The following GNAS variants were observed in gnomAD, a reference collection of about 807,000 sequenced individuals.
The protein encoded by GNAS is GNAS complex locus.
Under a neutral mutation model 54.5 loss-of-function variants are expected in GNAS, and 8 were observed. The observed-to-expected ratio is 0.15, with a 90% CI of 0.09 to 0.26. The LOEUF (loss-of-function observed/expected upper bound fraction) is 0.26. Ranked by LOEUF, GNAS falls within the 10% of genes least tolerant of loss-of-function variation. GNAS has a pLI of 1.00. For synonymous variants in GNAS, 204 were observed against 191.4 expected, an observed-to-expected ratio of 1.07 and a Z score of -0.54; for missense variants, 170 against 529.8, an observed-to-expected ratio of 0.32 and a Z score of 6.67.
upstream of GNAS, among the ~76,000 whole-genome samples, chr20:58,890,069 G>A (rs1247736299): frequency 2.0e-5 from 3 of 151,746 alleles, no homozygotes; most frequent in Admixed American, 2.0e-4. Context: ...AGAACCCGGC[G>A]CGGGAGGCGC....
rs879918219 is a variant in GNAS at position 58,873,773 on chromosome 20, T to C, written c.44-21839T>C. Among the ~76,000 whole-genome samples the C allele has an allele frequency of 6.6e-6, 1 of 152,098 alleles. No homozygotes were observed. The highest frequency in any genetic ancestry group is 1.5e-5 in the Non-Finnish European group (1 of 68,026). On this transcript the variant is annotated intron_variant, in intron 1 of 12. Transcript: ENST00000306090. This position sits in a 1 kb window ranked among gnomAD's most constrained non-coding sequence, Gnocchi z 4.3. ...CCCTTCCCCGTGGGGAAGACAAAAG[T>C]ATGAGACACTGCTACTCCCTTGATG... is the stretch of plus-strand genomic sequence containing the variant.
In GNAS at chr20:58,910,307, A is replaced by G; in HGVS notation, c.971-27A>G. 3 of 1,550,504 alleles carry G rather than the reference A, an allele frequency of 1.9e-6. No individual in the cohort carries two copies. The highest frequency in any genetic ancestry group is 2.7e-6 in the Non-Finnish European group (3 of 1,121,994). On this transcript the variant is annotated intron_variant, in intron 11 of 12. Transcript: ENST00000371085. The surrounding 1 kb of genome is among the most constrained non-coding windows in gnomAD (Gnocchi z 5.8). Reference sequence around the variant, plus strand: ...CAGCTCTGCTTGAATTTTAAATTACATTAATATGTATTCCCTTTTTATATA... The same window carrying G: ...CAGCTCTGCTTGAATTTTAAATTACGTTAATATGTATTCCCTTTTTATATA...
In GNAS at chr20:58,853,832, A is replaced by T; in HGVS notation, c.43+12946A>T. 1 of 1,598,424 alleles carries T rather than the reference A, an allele frequency of 6.3e-7. No individual in the cohort carries two copies. The highest frequency in any genetic ancestry group is 8.5e-7 in the Non-Finnish European group (1 of 1,173,000). On this transcript the variant is annotated intron_variant, in intron 1 of 12. Transcript: ENST00000306090. This position sits in a 1 kb window ranked among gnomAD's most constrained non-coding sequence, Gnocchi z 4.4. ...TCCCAGACCTTGCTCCAGGAGGCCC[A>T]GGTGCTGCAGGGGTCCCCGGAGCTC...
chr20:58,857,618 A>G lies in GNAS; in HGVS notation c.43+16732A>G, dbSNP rs948561342. ...GAAGCTTTCCTAGCAGATCTCCACT[A>G]AGGAATGCTTTTGCACCATGATTTG... On this transcript the variant is annotated intron_variant, in intron 1 of 12. Transcript: ENST00000306090. The surrounding 1 kb of genome is among the most constrained non-coding windows in gnomAD (Gnocchi z 4.1). 1.3e-5 allele frequency among the ~76,000 whole-genome samples: 2 copies of G among 152,124 alleles called. No individual in the cohort carries two copies. Among genetic ancestry groups the G allele is most frequent in the Non-Finnish European group, 2.9e-5 (2 of 68,010 alleles).
chr20:58,898,683 C>G, intron 2 of GNAS: 1 of 584,664 alleles, frequency 1.7e-6, no homozygotes. Context: ...CCTCCTGTCT[C>G]CGACCAGAGT....
chr20:58,901,943 T>A (rs1406406468), intron 3 of GNAS, among the ~76,000 whole-genome samples: 1 of 150,120 alleles, frequency 6.7e-6, no homozygotes, highest in Non-Finnish European at 1.5e-5. Flanking sequence ...TTAACTGTCG[T>A]GTTCTAGTCT....
rs2086564272 is a variant in GNAS at position 58,857,337 on chromosome 20, A to C, written c.43+16451A>C. The C allele has an allele frequency of 1.3e-5, 2 of 152,232 alleles. No homozygotes were observed. Among genetic ancestry groups the C allele is most frequent in the Non-Finnish European group, 2.9e-5 (2 of 68,052 alleles). 9.4% of individuals were successfully genotyped at this position (152,232 alleles called of 1,614,324 possible). On this transcript the variant is annotated intron_variant, in intron 1 of 12. Transcript: ENST00000306090. The surrounding 1 kb of genome is among the most constrained non-coding windows in gnomAD (Gnocchi z 4.1). The stretch of plus-strand genomic sequence containing the variant: ...TAATATGGTCGTTGTTTTAAATTTC[A>C]AATGTCTCAACTACACTAAAGCTAC...
Position 58,853,760 on chromosome 20 carries a change from G to C in GNAS, c.43+12874G>C. On this transcript the variant is annotated intron_variant, in intron 1 of 12. Coordinates refer to the GNAS transcript ENST00000306090. This position sits in a 1 kb window ranked among gnomAD's most constrained non-coding sequence, Gnocchi z 4.4. ...CACCAGAAGAAGCTATGCCCTTTGAGTTTGACCAGCCTGCCCAGAGAGGCT... is the reference window on the plus strand; with the variant it reads ...CACCAGAAGAAGCTATGCCCTTTGACTTTGACCAGCCTGCCCAGAGAGGCT... 6.2e-7 allele frequency: 1 copy of C among 1,613,642 alleles called. No individual in the cohort carries two copies. Among genetic ancestry groups the C allele is most frequent in the African/African-American group, 1.3e-5 (1 of 75,060 alleles).
At chr20:58,888,580 CTCT>C, upstream of GNAS, 1 of 152,318 alleles carries the variant, frequency 6.6e-6, no homozygotes, top group African/African-American at 2.4e-5. Context: ...AGGCCGCCAC[CTCT>C]CCCACCTGGG....
intron 1 of GNAS, among the ~76,000 whole-genome samples, chr20:58,861,559 T>C (rs924034979): frequency 6.6e-5 from 10 of 152,196 alleles, no homozygotes; most frequent in African/African-American, 2.4e-4. Context: ...AGAATGGACC[T>C]GAGCCTCTCT....
Position 58,898,977 on chromosome 20 carries a change from C to G in GNAS, c.249C>G (p.Asn83Lys), listed in dbSNP as rs1353681494. 6.2e-7 allele frequency: 1 copy of G among 1,612,820 alleles called. No homozygotes were observed. The highest frequency in any genetic ancestry group is 1.3e-5 in the African/African-American group (1 of 74,872). Residue 83 changes from asparagine (N) to lysine (K), a missense_variant, in exon 3 of 13, where the codon AAC becomes AAG. Asn to Lys is a moderately conservative substitution (Grantham distance 94). Around this residue, in one of 3 missense-constraint regions of GNAS, gnomAD observed 78 missense variants for 251.1 expected, o/e 0.31. Transcript: ENST00000371085. ...GEEDPQAARS[N>K]SDGEKATKVQ... ...AGGACCCGCAGGCTGCAAGGAGCAA[C>G]AGCGATGGGTAGGCACATTCAAAAC... is the stretch of plus-strand genomic sequence containing the variant.
upstream of GNAS, chr20:58,840,622 C>A (rs953102685): frequency 6.2e-7 from 1 of 1,607,870 alleles, no homozygotes; most frequent in Non-Finnish European, 8.5e-7. The surrounding 1 kb of genome is among the most constrained non-coding windows in gnomAD (Gnocchi z 6.0). Context: ...GAAGCCCCGA[C>A]GCCTCCCCAA....
upstream of GNAS, chr20:58,840,523 C>A (rs148044699): frequency 5.6e-6 from 9 of 1,613,508 alleles, no homozygotes; most frequent in African/African-American, 1.2e-4. This position sits in a 1 kb window ranked among gnomAD's most constrained non-coding sequence, Gnocchi z 6.0. Context: ...AGCCCGAGAC[C>A]GAGCCTGAAG....
chr20:58,854,404 C>A (rs759657991), intron 1 of GNAS: 2 of 1,566,078 alleles, frequency 1.3e-6, no homozygotes, highest in South Asian at 1.2e-5. Flanking sequence ...GGGTACGGAT[C>A]CCCTGCCGCC....
chr20:58,889,284 T>A, upstream of GNAS: 1 of 998,696 alleles, frequency 1.0e-6, no homozygotes, highest in Non-Finnish European at 1.2e-6. Context: ...AGCGAGCCCC[T>A]GTCCCGGCGC....
At position 58,911,024 on chromosome 20, in the gene GNAS, C is replaced by T. The variant is rs1405381094; in HGVS notation, c.*195C>T. On this transcript the variant is annotated 3_prime_UTR_variant, in exon 13 of 13. Coordinates refer to ENST00000371085, the MANE Select transcript of GNAS (RefSeq NM_000516.7). ...TCCAAATTTAGAAAGCTTAAGGCGGCCTACAGAAAAAGGAAAAAAGGCCAC... is the reference window on the plus strand; with the variant it reads ...TCCAAATTTAGAAAGCTTAAGGCGGTCTACAGAAAAAGGAAAAAAGGCCAC... 1.4e-6 allele frequency: 1 copy of T among 698,522 alleles called. No homozygotes were observed. Among genetic ancestry groups the T allele is most frequent in the South Asian group, 1.5e-5 (1 of 66,558 alleles). The allele number at this position is 698,522 out of a possible 1,614,324, so 43.3% of individuals were successfully genotyped here. A position where few individuals can be genotyped will look rare whatever the true frequency, so the allele number is the denominator to read the frequency against.
intron 3 of GNAS, 135 bp downstream of exon 3, chr20:58,899,120 T>C (rs2090357232): frequency 1.3e-6 from 1 of 773,328 alleles, no homozygotes; most frequent in South Asian, 1.4e-5. Context: ...TGGCATACAT[T>C]TGTGAATAAC....
chr20:58,882,687 T>C (rs2088318748), intron 1 of GNAS, among the ~76,000 whole-genome samples: 1 of 152,240 alleles, frequency 6.6e-6, no homozygotes, highest in Non-Finnish European at 1.5e-5. Flanking sequence ...GTTCACCTAT[T>C]AACTCTTTCA....
intron 1 of GNAS, among the ~76,000 whole-genome samples, chr20:58,885,568 A>G (rs912347924): frequency 2.0e-5 from 3 of 152,272 alleles, no homozygotes; most frequent in African/African-American, 7.2e-5. Flanking sequence ...AGTTTTGAAT[A>G]CAAGTTTAGG....
Sources: allele counts gnomAD v4.1 joint callset (sites outside exome capture counted in the v4.1 genomes callset), GRCh38; gene constraint gnomAD v4.1.1; regional missense constraint gnomAD v4.1.1; non-coding constraint Gnocchi (gnomAD v3.1); transcripts MANE v1.5; gene names NCBI Gene and HGNC (gene_info 2026-07-23, HGNC 2026-07-21).